Variants in BRWD1 observed in about 807,000 individuals in gnomAD.
BRWD1 encodes bromodomain and WD repeat domain containing 1.
Under a neutral mutation model 251.2 loss-of-function variants are expected in BRWD1, and 82 were observed. The observed-to-expected ratio is 0.33, with a 90% CI of 0.27 to 0.39. BRWD1 has a LOEUF of 0.39. Ranked by LOEUF, BRWD1 falls within the 10% of genes least tolerant of loss-of-function variation. The pLI is 1.00. For synonymous variants in BRWD1, 918 were observed against 902.8 expected, an observed-to-expected ratio of 1.02 and a Z score of -0.30; for missense variants, 2,233 against 2,711.6, an observed-to-expected ratio of 0.82 and a Z score of 3.92.
intron 27 of BRWD1, among the ~76,000 whole-genome samples, chr21:39,226,453 G>A (rs913034431): frequency 1.3e-5 from 2 of 152,120 alleles, no homozygotes; most frequent in Admixed American, 6.5e-5. Context: ...AATTACAGGA[G>A]GCATCTGGGA....
intron 32 of BRWD1, among the ~76,000 whole-genome samples, 197 bp downstream of exon 32, chr21:39,215,040 G>T (rs2032826715): frequency 7.6e-6 from 1 of 131,876 alleles, no homozygotes; most frequent in Middle Eastern, 3.6e-3. Flanking sequence ...GCTAATTTTT[G>T]TATTTTTTTT....
At chr21:39,206,370 T>G in intron 36 of BRWD1, 96 bp from the exon 37 acceptor site, 1 of 922,372 alleles carries the variant, frequency 1.1e-6, no homozygotes, top group South Asian at 1.8e-5. Context: ...ATGTATTATA[T>G]CACTGCTTAT....
chr21:39,255,001 A>T (rs1004770032), intron 19 of BRWD1, among the ~76,000 whole-genome samples: 2 of 152,200 alleles, frequency 1.3e-5, no homozygotes, highest in Admixed American at 6.5e-5. Context: ...ATATTTTAAA[A>T]TTTCTTATCT....
chr21:39,286,140 G>A (rs1041372993), intron 8 of BRWD1, among the ~76,000 whole-genome samples: 22 of 150,476 alleles, frequency 1.5e-4, no homozygotes, highest in Admixed American at 2.7e-4. Context: ...TCGGTCTCCC[G>A]AGTAGCTGGG....
chr21:39,268,802 C>T (rs937513689), intron 15 of BRWD1, among the ~76,000 whole-genome samples: 4 of 152,016 alleles, frequency 2.6e-5, no homozygotes, highest in South Asian at 4.1e-4. Context: ...CTGGCTAACA[C>T]GGTGAAACCC....
chr21:39,252,597 T>C (rs2034432440), intron 19 of BRWD1, among the ~76,000 whole-genome samples: 1 of 152,242 alleles, frequency 6.6e-6, no homozygotes, highest in African/African-American at 2.4e-5. Context: ...ATCGCCTTTA[T>C]AAAATTTCAC....
chr21:39,186,894 G>C lies in BRWD1; in HGVS notation c.*9365C>G. On this transcript the variant is annotated 3_prime_UTR_variant, in exon 41 of 41. Coordinates refer to ENST00000342449, the MANE Select transcript of BRWD1 (RefSeq NM_033656.4). The stretch of plus-strand genomic sequence containing the variant: ...AGAGCTGACTGGGAGGAACCCACTG[G>C]ATTATGGCTTTTAGAAAATTCCTCC... The C allele has an allele frequency of 6.9e-7, 1 of 1,442,010 alleles. No individual in the cohort carries two copies. The highest frequency in any genetic ancestry group is 9.2e-7 in the Non-Finnish European group (1 of 1,090,170). The allele number at this position is 1,442,010 out of a possible 1,614,324, so 89.3% of individuals were successfully genotyped here.
At chr21:39,238,088 C>T (rs1253875468) in intron 22 of BRWD1, among the ~76,000 whole-genome samples, 2 of 151,958 alleles carry the variant, frequency 1.3e-5, no homozygotes, top group African/African-American at 2.4e-5. Flanking sequence ...TGACGTGCAC[C>T]AAGAACCAGA....
downstream of BRWD1, chr21:39,185,295 T>TCAAAAAAAAAAAAAAAAAAAAA (rs369755854): frequency 1.4e-5 from 1 of 71,838 alleles, no homozygotes; most frequent in Non-Finnish European, 2.8e-5. Flanking sequence ...CTGAAATTGC[T>TCAAAAAAAAAAAAAAAAAAAAA]AAAAAAAAAA....
chr21:39,278,876 T>C, intron 9 of BRWD1, 63 bp from the exon 10 acceptor site: 1 of 1,237,886 alleles, frequency 8.1e-7, no homozygotes, highest in South Asian at 1.6e-5. Context: ...CAGCTTAAAA[T>C]ATTAGTTTTA....
intron 4 of BRWD1, among the ~76,000 whole-genome samples, chr21:39,301,717 A>C (rs1315504210): frequency 6.6e-6 from 1 of 152,186 alleles, no homozygotes; most frequent in Admixed American, 6.5e-5. Flanking sequence ...GTAATTTGTT[A>C]TACAGCAATA....
chr21:39,194,825 C>A lies in BRWD1; in HGVS notation c.*1434G>T, dbSNP rs1198762846. The A allele has an allele frequency of 3.2e-5, 49 of 1,534,230 alleles. No homozygotes were observed. The East Asian group carries it at 1.2e-3, about 37-fold the overall frequency. Reference sequence around the variant, plus strand: ...ATACCAGTCTGATGCTTCACCTTATCTGCCACTTCAAAGATACACAGGAGA... The same window carrying A: ...ATACCAGTCTGATGCTTCACCTTATATGCCACTTCAAAGATACACAGGAGA... On this transcript the variant is annotated 3_prime_UTR_variant, in exon 41 of 41. Transcript: ENST00000342449.
chr21:39,252,084 T>A (rs1057241511), intron 19 of BRWD1, among the ~76,000 whole-genome samples: 2 of 151,754 alleles, frequency 1.3e-5, no homozygotes, highest in Non-Finnish European at 2.9e-5. Context: ...CTGGCCAACA[T>A]GATGAAACCC....
In BRWD1 at chr21:39,189,300, T is replaced by C. The variant is rs1039829825; in HGVS notation, c.*6959A>G. 10 of 984,838 alleles carry C rather than the reference T, an allele frequency of 1.0e-5. No homozygotes were observed. The highest frequency in any genetic ancestry group is 8.7e-5 in the African/African-American group (5 of 57,192). The allele number at this position is 984,838 out of a possible 1,614,324, so 61.0% of individuals were successfully genotyped here. On this transcript the variant is annotated 3_prime_UTR_variant, in exon 41 of 41. Coordinates refer to ENST00000342449, the MANE Select transcript of BRWD1 (RefSeq NM_033656.4). Reference sequence around the variant, plus strand: ...CCAACAACCTATTCATCCAGACAAATAGATAAAATTCTATTTCAACTACAA... The same window carrying C: ...CCAACAACCTATTCATCCAGACAAACAGATAAAATTCTATTTCAACTACAA...
chr21:39,318,316 A>G (rs565956208), upstream of BRWD1, among the ~76,000 whole-genome samples: 1 of 152,322 alleles, frequency 6.6e-6, no homozygotes, highest in South Asian at 2.1e-4. Context: ...GACTCTGAAA[A>G]ATGAGATAAG....
chr21:39,218,018 G>A (rs910155638), intron 31 of BRWD1, 134 bp downstream of exon 31: 4 of 980,338 alleles, frequency 4.1e-6, no homozygotes, highest in Admixed American at 7.1e-5. Flanking sequence ...AACACCATCT[G>A]ACAATGAAAG....
intron 4 of BRWD1, among the ~76,000 whole-genome samples, chr21:39,311,004 A>G (rs1365187830): frequency 6.6e-6 from 1 of 152,070 alleles, no homozygotes; most frequent in Admixed American, 6.6e-5. Flanking sequence ...AAGGTAAAAA[A>G]AGAAAGGACA....
Position 39,186,901 on chromosome 21 carries a change from G to A in BRWD1, c.*9358C>T, listed in dbSNP as rs1037581822. 4.8e-6 allele frequency: 7 copies of A among 1,461,206 alleles called. No individual in the cohort carries two copies. Among genetic ancestry groups the A allele is most frequent in the African/African-American group, 2.9e-5 (2 of 69,828 alleles). The allele number at this position is 1,461,206 out of a possible 1,614,324, so 90.5% of individuals were successfully genotyped here. A position where few individuals can be genotyped will look rare whatever the true frequency, so the allele number is the denominator to read the frequency against. On this transcript the variant is annotated 3_prime_UTR_variant, in exon 41 of 41. Coordinates refer to ENST00000342449, the MANE Select transcript of BRWD1 (RefSeq NM_033656.4). ...ACTGGGAGGAACCCACTGGATTATG[G>A]CTTTTAGAAAATTCCTCCAAAGATG...
intron 20 of BRWD1, among the ~76,000 whole-genome samples, chr21:39,249,797 T>C (rs973094773): frequency 6.6e-6 from 1 of 152,118 alleles, no homozygotes; most frequent in Non-Finnish European, 1.5e-5. Flanking sequence ...GGCCAAACTT[T>C]CACTAAGAAA....
Sources: gnomAD v4.1 joint callset for allele counts (sites outside exome capture counted in the v4.1 genomes callset) on GRCh38, gnomAD v4.1.1 for gene constraint, MANE v1.5 for transcripts, NCBI Gene and HGNC (gene_info 2026-07-23, HGNC 2026-07-21) for gene names.